CA10: variants seen among roughly 807,000 people sequenced by gnomAD.
The protein encoded by CA10 is carbonic anhydrase 10 (inactive), also known as carbonic anhydrase-related protein 10.
Under a neutral mutation model 44.2 loss-of-function variants are expected in CA10, and 14 were observed. That is an observed-to-expected ratio of 0.32 (90% CI 0.21 to 0.50). The LOEUF (loss-of-function observed/expected upper bound fraction) is 0.50. Among genes scored for constraint, CA10 ranks in the 20% least tolerant of loss-of-function variants. CA10 has a pLI of 0.99. For synonymous variants in CA10, 159 were observed against 141.6 expected (o/e 1.12, Z -0.87); for missense variants, 350 against 409.7 (o/e 0.85, Z 1.26).
chr17:51,774,824 T>C (rs914060724), intron 3 of CA10, among the ~76,000 whole-genome samples: 1 of 152,074 alleles, frequency 6.6e-6, no homozygotes, highest in African/African-American at 2.4e-5. Context: ...TATTAAAAGA[T>C]AGTTGAGGAA....
At chr17:51,731,695 T>TTTA (rs1916729716) in intron 4 of CA10, among the ~76,000 whole-genome samples, 12 of 106,666 alleles carry the variant, frequency 1.1e-4, no homozygotes, top group South Asian at 9.6e-4. Flanking sequence ...TTATTTATTT[T>TTTA]GAGACAGGGT....
intron 4 of CA10, among the ~76,000 whole-genome samples, chr17:51,665,550 A>T (rs1964957081): frequency 6.6e-6 from 1 of 152,214 alleles, no homozygotes; most frequent in Non-Finnish European, 1.5e-5. Flanking sequence ...AAAAACCAGG[A>T]TGCATTCTGA....
At chr17:51,827,915 C>T (rs1299517284) in intron 3 of CA10, among the ~76,000 whole-genome samples, 1 of 152,182 alleles carries the variant, frequency 6.6e-6, no homozygotes, top group African/African-American at 2.4e-5. Context: ...CCATAAAACT[C>T]TCCCCTTTTT....
At chr17:51,766,254 A>C (rs1905376590) in intron 3 of CA10, among the ~76,000 whole-genome samples, 1 of 152,188 alleles carries the variant, frequency 6.6e-6, no homozygotes, top group East Asian at 1.9e-4. Context: ...TCTGCACCCC[A>C]AAATAAGGTA....
At chr17:51,774,905 G>A (rs186941432) in intron 3 of CA10, among the ~76,000 whole-genome samples, 3 of 152,218 alleles carry the variant, frequency 2.0e-5, no homozygotes, top group East Asian at 1.9e-4. Context: ...CTATAGTTAC[G>A]CACCATTTCT....
At chr17:51,836,793 T>C (rs1908493245) in intron 3 of CA10, among the ~76,000 whole-genome samples, 1 of 152,120 alleles carries the variant, frequency 6.6e-6, no homozygotes. Context: ...GGGAGGCAAT[T>C]GATGGGGAGG....
chr17:51,809,092 T>TTA (rs1309077251), intron 3 of CA10, among the ~76,000 whole-genome samples: 2 of 119,976 alleles, frequency 1.7e-5, no homozygotes, highest in African/African-American at 5.9e-5. Flanking sequence ...GAGACCTAAA[T>TTA]AAAAAAAAAA....
At chr17:51,735,010 T>C (rs1916852364) in intron 4 of CA10, among the ~76,000 whole-genome samples, 1 of 152,102 alleles carries the variant, frequency 6.6e-6, no homozygotes, top group Non-Finnish European at 1.5e-5. Flanking sequence ...CAGGATGCCT[T>C]GACACTGATA....
intron 2 of CA10, among the ~76,000 whole-genome samples, chr17:51,989,602 C>T (rs1055868312): frequency 1.3e-5 from 2 of 152,018 alleles, no homozygotes; most frequent in Non-Finnish European, 2.9e-5. Flanking sequence ...TACCTATAAC[C>T]ATAGAATACT....
At chr17:51,823,359 C>T (rs1458980478) in intron 3 of CA10, among the ~76,000 whole-genome samples, 3 of 152,202 alleles carry the variant, frequency 2.0e-5, no homozygotes, top group Non-Finnish European at 4.4e-5. Context: ...CCTCCAGTTC[C>T]AGCCAAGGGC....
chr17:51,690,823 G>C (rs1437794100), intron 4 of CA10, among the ~76,000 whole-genome samples: 2 of 152,136 alleles, frequency 1.3e-5, no homozygotes, highest in African/African-American at 4.8e-5. Context: ...ACATGTAAGT[G>C]AGATCTTGTG....
chr17:51,828,011 G>T (rs967738850), intron 3 of CA10, among the ~76,000 whole-genome samples: 17 of 152,140 alleles, frequency 1.1e-4, no homozygotes, highest in African/African-American at 4.1e-4. Flanking sequence ...CACTTCTTCA[G>T]CCTCCATCTC....
chr17:52,020,265 A>G (rs1426222485), intron 2 of CA10, among the ~76,000 whole-genome samples: 1 of 152,014 alleles, frequency 6.6e-6, no homozygotes, highest in Non-Finnish European at 1.5e-5. Context: ...CAAGCTTCTT[A>G]GAAGCTTCAA....
chr17:52,096,571 A>C (rs903279079), intron 1 of CA10, among the ~76,000 whole-genome samples: 4 of 152,198 alleles, frequency 2.6e-5, no homozygotes, highest in African/African-American at 7.2e-5. Context: ...GAATTACTAC[A>C]TATCAGATTC....
intron 8 of CA10, among the ~76,000 whole-genome samples, chr17:51,632,061 T>A (rs1193152950): frequency 6.6e-6 from 1 of 152,212 alleles, no homozygotes; most frequent in African/African-American, 2.4e-5. Flanking sequence ...ACAATACCTG[T>A]TTTTATAAAT....
Position 52,157,788 on chromosome 17 carries a change from C to A in CA10, c.-2G>T. The stretch of plus-strand genomic sequence containing the variant: ...AAGCACCTCCCAGACTATTTCCATC[C>A]TCTGATTCTCATTCCAAGTGCATCA... On this transcript the variant is annotated 5_prime_UTR_variant, in exon 1 of 9. The change creates a new upstream start codon in the 5' untranslated region. Transcript: ENST00000451037. The A allele has an allele frequency of 6.2e-7, 1 of 1,613,648 alleles. No individual in the cohort carries two copies. Among genetic ancestry groups the A allele is most frequent in the Non-Finnish European group, 8.5e-7 (1 of 1,179,598 alleles).
chr17:52,065,264 A>G (rs1440203131), intron 2 of CA10, among the ~76,000 whole-genome samples: 10 of 152,202 alleles, frequency 6.6e-5, no homozygotes, highest in African/African-American at 2.4e-4. Context: ...AGGCTTTTTA[A>G]AACCTTGAGT....
intron 2 of CA10, among the ~76,000 whole-genome samples, chr17:51,947,655 T>C (rs991616222): frequency 2.6e-5 from 4 of 152,142 alleles, no homozygotes; most frequent in African/African-American, 9.7e-5. Flanking sequence ...ATTAAGTCAC[T>C]ACCTCTTTCT....
At position 51,695,785 on chromosome 17, in the gene CA10, A is replaced by G. The variant is rs145721465; in HGVS notation, c.466-42049T>C. 4.9e-3 allele frequency among the ~76,000 whole-genome samples: 749 copies of G among 152,212 alleles called. 9 individuals carry two copies. The highest frequency in any genetic ancestry group is 0.017 in the African/African-American group (711 of 41,522). On this transcript the variant is annotated intron_variant, in intron 4 of 8. Coordinates refer to ENST00000451037, the MANE Select transcript of CA10 (RefSeq NM_020178.5). ...CTTCCAGCTTTTGCCTATTCAGTATAATGTTGGCTGTGGTTTTGTCATAGA... is the reference window on the plus strand; with the variant it reads ...CTTCCAGCTTTTGCCTATTCAGTATGATGTTGGCTGTGGTTTTGTCATAGA...
Sources: gnomAD v4.1 joint callset for allele counts (sites outside exome capture counted in the v4.1 genomes callset) on GRCh38, gnomAD v4.1.1 for gene constraint, MANE v1.5 for transcripts, NCBI Gene and HGNC (gene_info 2026-07-23, HGNC 2026-07-21) for gene names.